CAMK1D: variants seen among roughly 807,000 people sequenced by gnomAD.
CAMK1D encodes calcium/calmodulin-dependent protein kinase type 1D.
In CAMK1D, 9 loss-of-function variants were observed where a neutral mutation model predicts 47.7. The observed-to-expected ratio is 0.19, with a 90% CI of 0.11 to 0.33. The LOEUF is 0.33. CAMK1D is among the 10% of genes least tolerant of loss of function. The pLI, the probability that CAMK1D is intolerant of heterozygous loss-of-function variation, is 1.00. For missense variants in CAMK1D, 291 were observed against 488.7 expected, an observed-to-expected ratio of 0.60 and a Z score of 3.81; for synonymous variants, 184 against 184.9, an observed-to-expected ratio of 0.99 and a Z score of 0.04.
intron 1 of CAMK1D, among the ~76,000 whole-genome samples, chr10:12,440,693 A>G (rs1832762132): frequency 6.6e-6 from 1 of 152,236 alleles, no homozygotes; most frequent in African/African-American, 2.4e-5. Flanking sequence ...AATAAAGTAT[A>G]TGAGATACGG....
chr10:12,586,553 A>G (rs1260653096), intron 2 of CAMK1D, among the ~76,000 whole-genome samples: 1 of 152,066 alleles, frequency 6.6e-6, no homozygotes, highest in Non-Finnish European at 1.5e-5. Flanking sequence ...TAAAAACAAT[A>G]CCCATTCTCC....
At chr10:12,595,399 G>A (rs531635107) in intron 2 of CAMK1D, among the ~76,000 whole-genome samples, 22 of 123,934 alleles carry the variant, frequency 1.8e-4, no homozygotes, top group African/African-American at 6.3e-4. Context: ...TTTTGCTAAA[G>A]CTAGGAACTT....
In CAMK1D at chr10:12,356,589, C is replaced by T. The variant is rs191202391; in HGVS notation, c.92+6679C>T. Among the ~76,000 whole-genome samples, 282 of 152,050 alleles carry T rather than the reference C, an allele frequency of 1.9e-3. 1 individual carries two copies. The highest frequency in any genetic ancestry group is 2.1e-3 in the Non-Finnish European group (143 of 67,950). On this transcript the variant is annotated intron_variant, in intron 1 of 10. Transcript: ENST00000619168. The stretch of plus-strand genomic sequence containing the variant: ...TACAGAAAATTAGCTGGGTGTGGTG[C>T]TGTGCACCTGTAGTCCCAGCTACTC...
intron 7 of CAMK1D, 137 bp downstream of exon 7, chr10:12,814,444 C>T (rs1257614058): frequency 5.4e-6 from 3 of 553,886 alleles, no homozygotes; most frequent in African/African-American, 1.9e-5. Context: ...GCTGCTGTAA[C>T]AAGATACCAT....
intron 3 of CAMK1D, among the ~76,000 whole-genome samples, chr10:12,672,945 C>G (rs1449391802): frequency 2.8e-5 from 3 of 107,198 alleles, no homozygotes; most frequent in Non-Finnish European, 5.2e-5. Context: ...TGTCCAGGCT[C>G]TGATGCAGTG....
intron 2 of CAMK1D, among the ~76,000 whole-genome samples, chr10:12,649,018 C>G (rs1243912868): frequency 6.6e-6 from 1 of 152,094 alleles, no homozygotes; most frequent in Non-Finnish European, 1.5e-5. Context: ...AGACACCCAC[C>G]ACCATGCTCA....
At chr10:12,558,761 G>C (rs1390087767) in intron 2 of CAMK1D, among the ~76,000 whole-genome samples, 1 of 152,172 alleles carries the variant, frequency 6.6e-6, no homozygotes, top group Non-Finnish European at 1.5e-5. Flanking sequence ...GCTCAGTTTG[G>C]TGGAAGGGGT....
rs58406572 is a variant in CAMK1D at position 12,801,350 on chromosome 10, T to TA, written c.641+10118dup. ...CTATCTATCTATCTATCTATCTATC[T>TA]ATCTTATCTATCTATCTATCTATCT... On this transcript the variant is annotated intron_variant, in intron 6 of 10. Transcript: ENST00000619168. Among the ~76,000 whole-genome samples, 893 of 106,254 alleles carry TA rather than the reference T, an allele frequency of 8.4e-3. 13 individuals are homozygous for TA. Among genetic ancestry groups the TA allele is most frequent in the East Asian group, 0.043 (158 of 3,664 alleles). The allele number at this position is 106,254 out of a possible 152,430, so 69.7% of individuals were successfully genotyped here.
intron 2 of CAMK1D, among the ~76,000 whole-genome samples, chr10:12,601,207 T>G (rs1489189902): frequency 2.0e-5 from 3 of 150,650 alleles, no homozygotes; most frequent in African/African-American, 7.3e-5. Flanking sequence ...TTTTTTTTTT[T>G]TTGCTCAGAG....
chr10:12,452,972 C>T (rs535843047), intron 1 of CAMK1D, among the ~76,000 whole-genome samples: 1 of 152,236 alleles, frequency 6.6e-6, no homozygotes, highest in East Asian at 1.9e-4. Flanking sequence ...TCTTCCCAGA[C>T]AGAAACTCTG....
At chr10:12,766,366 T>C (rs1588901693) in intron 4 of CAMK1D, among the ~76,000 whole-genome samples, 1 of 144,974 alleles carries the variant, frequency 6.9e-6, no homozygotes, top group Non-Finnish European at 1.5e-5. Context: ...TGTTTCTTTT[T>C]TTTTTTTTTT....
chr10:12,542,412 A>G (rs1023224458), intron 1 of CAMK1D, among the ~76,000 whole-genome samples: 3 of 152,252 alleles, frequency 2.0e-5, no homozygotes, highest in Admixed American at 6.5e-5. Context: ...TAGAAAGGCA[A>G]AGAGCCAATA....
At chr10:12,394,943 A>T (rs989312100) in intron 1 of CAMK1D, among the ~76,000 whole-genome samples, 1 of 152,104 alleles carries the variant, frequency 6.6e-6, no homozygotes, top group African/African-American at 2.4e-5. Context: ...CAGGGCTGGG[A>T]CATGGTGCTG....
chr10:12,756,108 T>C (rs1302177858), intron 3 of CAMK1D, among the ~76,000 whole-genome samples: 1 of 152,250 alleles, frequency 6.6e-6, no homozygotes, highest in Admixed American at 6.5e-5. Context: ...CACAGCATTG[T>C]ACTGTTTGGC....
intron 1 of CAMK1D, among the ~76,000 whole-genome samples, chr10:12,447,129 CT>C (rs570316851): frequency 3.9e-5 from 6 of 152,238 alleles, no homozygotes; most frequent in Non-Finnish European, 8.8e-5. Flanking sequence ...TGAGTATATT[CT>C]TCTGCAGAAT....
chr10:12,771,876 A>G (rs1837054664), intron 5 of CAMK1D, among the ~76,000 whole-genome samples: 1 of 152,140 alleles, frequency 6.6e-6, no homozygotes, highest in East Asian at 1.9e-4. Context: ...TCTACTAAAA[A>G]TACAAAAATT....
chr10:12,562,455 A>G (rs955373553), intron 2 of CAMK1D, among the ~76,000 whole-genome samples: 3 of 152,134 alleles, frequency 2.0e-5, no homozygotes, highest in African/African-American at 7.2e-5. Context: ...CACTGTGCAA[A>G]TGAGTATTTA....
At chr10:12,488,768 G>A (rs552852987) in intron 1 of CAMK1D, among the ~76,000 whole-genome samples, 1 of 152,002 alleles carries the variant, frequency 6.6e-6, no homozygotes, top group Non-Finnish European at 1.5e-5. Context: ...TAGATCCCTC[G>A]CGTGCGCAGT....
At chr10:12,828,691 C>T (rs1450656784) in intron 10 of CAMK1D, 78 bp from the exon 11 acceptor site, 6 of 1,235,878 alleles carry the variant, frequency 4.9e-6, no homozygotes, top group Non-Finnish European at 7.0e-6. Context: ...AACCCAGCCC[C>T]TCTGACACCT....
Sources: allele counts gnomAD v4.1 joint callset (sites outside exome capture counted in the v4.1 genomes callset), GRCh38; gene constraint gnomAD v4.1.1; transcripts MANE v1.5; gene names NCBI Gene and HGNC (gene_info 2026-07-23, HGNC 2026-07-21).